The following ZNF385B variants were observed in gnomAD, a reference collection of about 807,000 sequenced individuals.
The protein encoded by ZNF385B is zinc finger protein 385B, also known as zinc finger protein 533.
In ZNF385B, 23 loss-of-function variants were observed where a neutral mutation model predicts 39.2. The observed-to-expected ratio is 0.59, with a 90% confidence interval of 0.42 to 0.83. ZNF385B has a LOEUF of 0.83. ZNF385B is among the 40% of genes least tolerant of loss of function. The pLI, the probability that ZNF385B is intolerant of heterozygous loss-of-function variation, is 0.00. For missense variants in ZNF385B, 552 were observed against 598.9 expected, an observed-to-expected ratio of 0.92 and a Z score of 0.82; for synonymous variants, 205 against 222.6, an observed-to-expected ratio of 0.92 and a Z score of 0.70.
intron 3 of ZNF385B, among the ~76,000 whole-genome samples, chr2:179,672,855 T>C (rs1295539708): frequency 6.6e-6 from 1 of 152,186 alleles, no homozygotes; most frequent in Non-Finnish European, 1.5e-5. Flanking sequence ...TTTTTTGTTA[T>C]AGTAGCCAAA....
chr2:179,843,310 A>T (rs983296597), intron 1 of ZNF385B, among the ~76,000 whole-genome samples: 4 of 152,240 alleles, frequency 2.6e-5, no homozygotes, highest in African/African-American at 7.2e-5. Flanking sequence ...GTGTACATCT[A>T]GAGTAAAAAT....
chr2:179,686,336 C>G (rs1051163530), intron 3 of ZNF385B, among the ~76,000 whole-genome samples: 8 of 152,178 alleles, frequency 5.3e-5, no homozygotes, highest in Non-Finnish European at 4.4e-5. Context: ...TTGTGAGCTT[C>G]TGGAGCACTC....
chr2:179,496,312 A>T (rs180715844), intron 5 of ZNF385B, among the ~76,000 whole-genome samples: 3 of 152,262 alleles, frequency 2.0e-5, no homozygotes, highest in African/African-American at 4.8e-5. Flanking sequence ...AAAAAGAATT[A>T]AAAAAACAAT....
In ZNF385B at chr2:179,594,263, C is replaced by T. The variant is rs376879835; in HGVS notation, c.299-49294G>A. Among the ~76,000 whole-genome samples, 5 of 152,270 alleles carry T rather than the reference C, an allele frequency of 3.3e-5. No homozygotes were observed. The East Asian group carries it at 9.6e-4, about 29-fold the overall frequency. ...ACTTCAACTTAATTTGGCAGTCACA[C>T]AAATACATCTAAATAAACATTAGAA... On this transcript the variant is annotated intron_variant, in intron 3 of 9. Coordinates refer to ENST00000410066, the MANE Select transcript of ZNF385B (RefSeq NM_152520.6).
intron 3 of ZNF385B, among the ~76,000 whole-genome samples, chr2:179,675,234 C>T (rs2106312892): frequency 6.6e-6 from 1 of 152,272 alleles, no homozygotes; most frequent in South Asian, 2.1e-4. Context: ...AATATATTTA[C>T]TATTCATTAA....
intron 1 of ZNF385B, among the ~76,000 whole-genome samples, chr2:179,779,286 G>C (rs1704527341): frequency 6.6e-6 from 1 of 152,198 alleles, no homozygotes; most frequent in Admixed American, 6.5e-5. Flanking sequence ...ATGTGCACAG[G>C]TCCGGAAGCA....
intron 6 of ZNF385B, among the ~76,000 whole-genome samples, chr2:179,469,025 T>C (rs1389462593): frequency 6.6e-6 from 1 of 152,224 alleles, no homozygotes; most frequent in Non-Finnish European, 1.5e-5. Flanking sequence ...ATTACAACGT[T>C]GTTAAAGCGG....
chr2:179,597,838 T>A (rs1041726837), intron 3 of ZNF385B, among the ~76,000 whole-genome samples: 5 of 152,206 alleles, frequency 3.3e-5, no homozygotes, highest in Admixed American at 2.0e-4. Context: ...AAATTCTAAG[T>A]TGAAGTGTCC....
At chr2:179,633,706 A>G (rs1691457577) in intron 3 of ZNF385B, among the ~76,000 whole-genome samples, 1 of 152,216 alleles carries the variant, frequency 6.6e-6, no homozygotes, top group South Asian at 2.1e-4. Context: ...TGGCCAGGGC[A>G]ATCAGGCAAG....
chr2:179,805,682 C>G (rs554621339), intron 1 of ZNF385B, among the ~76,000 whole-genome samples: 194 of 152,182 alleles, frequency 1.3e-3, no homozygotes, highest in African/African-American at 4.4e-3. Context: ...TTCATAGGAT[C>G]CAGTTAAGGA....
At chr2:179,839,005 AG>A (rs1182894276) in intron 1 of ZNF385B, among the ~76,000 whole-genome samples, 2 of 152,158 alleles carry the variant, frequency 1.3e-5, no homozygotes, top group East Asian at 3.9e-4. Flanking sequence ...GTCTTAACTC[AG>A]AAAAACAAAG....
intron 3 of ZNF385B, among the ~76,000 whole-genome samples, chr2:179,710,845 G>A (rs1406007656): frequency 2.6e-5 from 4 of 152,158 alleles, no homozygotes; most frequent in African/African-American, 9.7e-5. Context: ...TCCATCACAG[G>A]CCTGCTCCAA....
chr2:179,653,130 G>C (rs1054629198), intron 3 of ZNF385B, among the ~76,000 whole-genome samples: 2 of 152,142 alleles, frequency 1.3e-5, no homozygotes, highest in South Asian at 2.1e-4. Context: ...ACTAGGAGCT[G>C]GTGCTGCTAT....
intron 3 of ZNF385B, among the ~76,000 whole-genome samples, chr2:179,725,901 TTTG>T (rs1700979306): frequency 3.6e-5 from 4 of 112,112 alleles, no homozygotes; most frequent in African/African-American, 1.3e-4. Context: ...AATATATGTG[TTTG>T]TGTGTGTATA....
intron 1 of ZNF385B, among the ~76,000 whole-genome samples, chr2:179,795,473 C>CGTTATAAATCATTTTT (rs1705601942): frequency 6.6e-6 from 1 of 152,092 alleles, no homozygotes; most frequent in African/African-American, 2.4e-5. Context: ...TCTATGGGTG[C>CGTTATAAATCATTTTT]ACTGTGGTGT....
chr2:179,813,396 T>G (rs1357390084), intron 1 of ZNF385B, among the ~76,000 whole-genome samples: 9 of 152,190 alleles, frequency 5.9e-5, no homozygotes, highest in Non-Finnish European at 1.2e-4. Context: ...CTCCTAAAAT[T>G]TTTAATTAAT....
chr2:179,476,150 G>A (rs1467760609), intron 6 of ZNF385B, among the ~76,000 whole-genome samples: 1 of 151,324 alleles, frequency 6.6e-6, no homozygotes, highest in African/African-American at 2.4e-5. Context: ...AGAAAAATAT[G>A]TCATGTAAGA....
At chr2:179,453,198 T>C (rs2050327567) in intron 6 of ZNF385B, among the ~76,000 whole-genome samples, 1 of 152,178 alleles carries the variant, frequency 6.6e-6, no homozygotes, top group African/African-American at 2.4e-5. Flanking sequence ...TCTTTTGATA[T>C]TTTGGTTATC....
intron 5 of ZNF385B, among the ~76,000 whole-genome samples, chr2:179,493,781 A>G (rs79523545): frequency 0.27 from 23,837 of 89,410 alleles, 3,370 homozygotes; most frequent in East Asian, 0.34. Flanking sequence ...ATATGTATAT[A>G]CACATATGTA....
Sources: gnomAD v4.1 joint callset for allele counts (sites outside exome capture counted in the v4.1 genomes callset) on GRCh38, gnomAD v4.1.1 for gene constraint, MANE v1.5 for transcripts, NCBI Gene and HGNC (gene_info 2026-07-23, HGNC 2026-07-21) for gene names.